Variants in SLC13A3 observed in about 807,000 individuals in gnomAD.
SLC13A3 encodes solute carrier family 13 member 3.
SLC13A3 carries 40 observed loss-of-function variants against 59.0 expected under a neutral mutation model. The ratio of observed to expected loss-of-function variants is 0.68; its 90% CI spans 0.53 to 0.88. SLC13A3 has a LOEUF of 0.88. Among genes scored for constraint, SLC13A3 ranks in the 40% least tolerant of loss-of-function variants. SLC13A3 has a pLI of 0.00. For synonymous variants in SLC13A3, 317 were observed against 330.3 expected (o/e 0.96, Z 0.44); for missense variants, 699 against 783.2 (o/e 0.89, Z 1.28).
intron 11 of SLC13A3, 80 bp downstream of exon 11, chr20:46,566,149 T>C (rs2061977837): frequency 1.7e-6 from 2 of 1,211,992 alleles, no homozygotes; most frequent in Admixed American, 3.5e-5. Context: ...TGGCCCCCAG[T>C]GAAGGTCCCT....
rs114794736 is a variant in SLC13A3, at chr20:46,663,352, G to C, written c.-31+6691C>G. 3.4e-3 allele frequency among the ~76,000 whole-genome samples: 514 copies of C among 152,060 alleles called. 3 individuals carry two copies. Among genetic ancestry groups the C allele is most frequent in the African/African-American group, 0.012 (493 of 41,462 alleles). ...CTCAGCTACTCGAGAGGCTGAAGTG[G>C]GAGGATTGATTAAGCCCAGGAGGCG... On this transcript the variant is annotated intron_variant, in intron 1 of 12. Transcript: ENST00000290317.
At chr20:46,605,851 G>A (rs576663720) in intron 3 of SLC13A3, among the ~76,000 whole-genome samples, 65 of 152,254 alleles carry the variant, frequency 4.3e-4, no homozygotes, top group African/African-American at 1.4e-3. Context: ...GAGTTCTTGT[G>A]TCAAATTAGG....
intron 3 of SLC13A3, chr20:46,608,935 A>T: frequency 6.4e-7 from 1 of 1,551,020 alleles, no homozygotes; most frequent in Non-Finnish European, 8.7e-7. Flanking sequence ...AGAACCCGGA[A>T]GTTGCACACA....
chr20:46,613,341 G>T, intron 2 of SLC13A3, 119 bp downstream of exon 2: 3 of 375,590 alleles, frequency 8.0e-6, no homozygotes, highest in Non-Finnish European at 1.3e-5. Context: ...ATAAATAAAT[G>T]GTGGGAACCG....
chr20:46,585,391 G>A, intron 8 of SLC13A3: 13 of 997,896 alleles, frequency 1.3e-5, no homozygotes, highest in Non-Finnish European at 1.6e-5. Context: ...TTATGAGTAT[G>A]CATAACTTTT....
intron 12 of SLC13A3, among the ~76,000 whole-genome samples, chr20:46,560,634 G>A (rs113093266): frequency 3.5e-4 from 53 of 152,026 alleles, no homozygotes; most frequent in African/African-American, 1.1e-3. Context: ...ATACACACAC[G>A]CATGCACACA....
At position 46,584,331 on chromosome 20, in the gene SLC13A3, C is replaced by G. The variant is rs528919907; in HGVS notation, c.1122-662G>C. On this transcript the variant is annotated intron_variant, in intron 8 of 12. Coordinates refer to ENST00000279027, the MANE Select transcript of SLC13A3 (RefSeq NM_022829.6). The stretch of plus-strand genomic sequence containing the variant: ...TGACATACAAATACAACCAAGATAC[C>G]CTGTAAATTGTATTTTTAAAGTTTT... The G allele has an allele frequency of 4.9e-3, 4,820 of 985,318 alleles. 14 individuals carry two copies. Among genetic ancestry groups the G allele is most frequent in the Non-Finnish European group, 5.4e-3 (4,492 of 829,918 alleles). The allele number at this position is 985,318 out of a possible 1,614,324, so 61.0% of individuals were successfully genotyped here.
chr20:46,647,825 C>T (rs148810150), intron 1 of SLC13A3, among the ~76,000 whole-genome samples: 1 of 152,146 alleles, frequency 6.6e-6, no homozygotes, highest in Non-Finnish European at 1.5e-5. Context: ...AGCTGGAAAC[C>T]CAGGCCCCAA....
At chr20:46,577,057 G>A (rs1008839153) in intron 9 of SLC13A3, among the ~76,000 whole-genome samples, 3 of 144,048 alleles carry the variant, frequency 2.1e-5, no homozygotes, top group Non-Finnish European at 4.6e-5. Flanking sequence ...ACAGGTGTAT[G>A]CAGTCTACAG....
At chr20:46,590,199 T>C (rs954466207) in intron 6 of SLC13A3, among the ~76,000 whole-genome samples, 4 of 152,054 alleles carry the variant, frequency 2.6e-5, no homozygotes, top group African/African-American at 9.7e-5. Context: ...TCCAAATAGA[T>C]TAGAGGTTTA....
chr20:46,593,160 A>G lies in SLC13A3; in HGVS notation c.795-631T>C, dbSNP rs563513147. On this transcript the variant is annotated intron_variant, in intron 5 of 12. Transcript: ENST00000279027. ...ATCAAGCCTGAAAAGATGAAGGGCA[A>G]TAACACTCAGTGCTGGTGAAGATGT... Among the ~76,000 whole-genome samples the G allele has an allele frequency of 3.3e-5, 5 of 152,356 alleles. No homozygotes were observed. The East Asian group carries it at 9.6e-4, about 29-fold the overall frequency.
intron 12 of SLC13A3, among the ~76,000 whole-genome samples, chr20:46,561,165 C>G (rs2061927144): frequency 6.6e-6 from 1 of 152,212 alleles, no homozygotes. Context: ...AACCATTTGT[C>G]TCTTATATAC....
At chr20:46,571,200 A>G (rs1467214881) in intron 10 of SLC13A3, among the ~76,000 whole-genome samples, 2 of 152,188 alleles carry the variant, frequency 1.3e-5, no homozygotes, top group Non-Finnish European at 2.9e-5. Flanking sequence ...AGGTCCCATG[A>G]CATGTGGGGA....
chr20:46,656,852 T>A (rs1287870727), intron 1 of SLC13A3, among the ~76,000 whole-genome samples: 6 of 152,114 alleles, frequency 3.9e-5, no homozygotes, highest in Non-Finnish European at 7.4e-5. Flanking sequence ...ATTTCCATTG[T>A]TCCATGTCCC....
chr20:46,633,871 G>A (rs1299434221), intron 1 of SLC13A3, among the ~76,000 whole-genome samples: 1 of 152,358 alleles, frequency 6.6e-6, no homozygotes. Flanking sequence ...TTTTTGGGGT[G>A]CATTAGCTCG....
At chr20:46,589,359 G>GACAGA in intron 6 of SLC13A3, 104 bp from the exon 7 acceptor site, 4 of 904,774 alleles carry the variant, frequency 4.4e-6, no homozygotes, top group Non-Finnish European at 7.0e-6. Context: ...TCTCTGTCCG[G>GACAGA]GAGGCTGCAA....
intron 11 of SLC13A3, among the ~76,000 whole-genome samples, chr20:46,565,166 G>A (rs847066): frequency 0.19 from 28,682 of 152,084 alleles, 4,534 homozygotes; most frequent in African/African-American, 0.41. Flanking sequence ...CTGATCATGT[G>A]TATATTGTTC....
chr20:46,602,688 A>G (rs1401119691), intron 3 of SLC13A3, among the ~76,000 whole-genome samples: 7 of 152,212 alleles, frequency 4.6e-5, no homozygotes. Flanking sequence ...GGCGTCTATT[A>G]GTTAGAGACC....
chr20:46,655,440 G>C (rs775341494), upstream of SLC13A3, among the ~76,000 whole-genome samples: 1 of 148,884 alleles, frequency 6.7e-6, no homozygotes, highest in Non-Finnish European at 1.5e-5. Context: ...GCTGGCATCT[G>C]CTCGGCTTCT....
Sources: gnomAD v4.1 joint callset for allele counts (sites outside exome capture counted in the v4.1 genomes callset) on GRCh38, gnomAD v4.1.1 for gene constraint, MANE v1.5 for transcripts, NCBI Gene and HGNC (gene_info 2026-07-23, HGNC 2026-07-21) for gene names.